The following FAM107B variants were observed in gnomAD, a reference collection of about 807,000 sequenced individuals.
FAM107B encodes the protein protein FAM107B.
A neutral mutation model predicts 31.5 loss-of-function variants in FAM107B; 21 were observed. The observed-to-expected ratio is 0.67, with a 90% CI of 0.47 to 0.96. FAM107B has a LOEUF of 0.96. Ranked by LOEUF, FAM107B falls within the 40% of genes least tolerant of loss-of-function variation. The probability of loss-of-function intolerance (pLI) is 0.00; values close to 1 mark genes in which losing one functional copy is unlikely to be tolerated. For missense variants in FAM107B, 452 were observed against 377.1 expected, an observed-to-expected ratio of 1.20 and a Z score of -1.64; for synonymous variants, 157 against 141.5, an observed-to-expected ratio of 1.11 and a Z score of -0.78.
intron 2 of FAM107B, among the ~76,000 whole-genome samples, chr10:14,583,086 C>CAAAA (rs60205603): frequency 7.1e-5 from 4 of 56,348 alleles, no homozygotes; most frequent in African/African-American, 1.9e-4. Flanking sequence ...GACTCTGTCT[C>CAAAA]AAAAAAAAAA....
At chr10:14,591,814 A>G (rs576976913) in intron 2 of FAM107B, among the ~76,000 whole-genome samples, 8 of 152,188 alleles carry the variant, frequency 5.3e-5, no homozygotes, top group Non-Finnish European at 8.8e-5. Context: ...AGCTTTCATG[A>G]TAACTTCCAG....
rs555118188 is a variant in FAM107B at position 14,771,859 on chromosome 10, ACATATGAAT to A, written c.411+2385_411+2393del. Among the ~76,000 whole-genome samples, 209 of 152,344 alleles carry A rather than the reference ACATATGAAT, an allele frequency of 1.4e-3. 2 individuals carry two copies. The highest frequency in any genetic ancestry group is 4.5e-3 in the African/African-American group (187 of 41,580). On this transcript the variant is annotated intron_variant, in intron 1 of 4. Transcript: ENST00000181796. ...ATGTGATTGAGTATCAAGCGAGATC[ACATATGAAT>A]AGTTGATCCTAAATCCTCAAACACT...
At chr10:14,715,103 C>T (rs1005233095) in intron 1 of FAM107B, among the ~76,000 whole-genome samples, 1 of 151,972 alleles carries the variant, frequency 6.6e-6, no homozygotes, top group African/African-American at 2.4e-5. Flanking sequence ...AGTGATCAGC[C>T]GATACTCAAA....
At chr10:14,569,316 G>A (rs1221256939) in intron 2 of FAM107B, among the ~76,000 whole-genome samples, 2 of 152,158 alleles carry the variant, frequency 1.3e-5, no homozygotes, top group Admixed American at 1.3e-4. Context: ...AAGTCAGAAG[G>A]AAGATTCGAG....
chr10:14,658,874 G>T (rs1489183518), intron 2 of FAM107B, among the ~76,000 whole-genome samples: 4 of 152,210 alleles, frequency 2.6e-5, no homozygotes, highest in Non-Finnish European at 5.9e-5. Context: ...TCTAGAAGGG[G>T]ACGACAGACA....
At chr10:14,551,572 G>C (rs527930179) in intron 2 of FAM107B, among the ~76,000 whole-genome samples, 178 of 148,488 alleles carry the variant, frequency 1.2e-3, no homozygotes, top group African/African-American at 4.0e-3. Flanking sequence ...ATGTTAATTA[G>C]GAAGGACACT....
intron 2 of FAM107B, among the ~76,000 whole-genome samples, chr10:14,657,063 G>A (rs1854078757): frequency 1.3e-5 from 2 of 152,238 alleles, no homozygotes. Flanking sequence ...CATGTGCCCA[G>A]TCCATCAACA....
At chr10:14,636,882 C>T (rs892505952) in intron 2 of FAM107B, among the ~76,000 whole-genome samples, 2 of 151,912 alleles carry the variant, frequency 1.3e-5, no homozygotes, top group Non-Finnish European at 2.9e-5. Context: ...GCTTTATCTG[C>T]GGGTATCCTT....
At chr10:14,755,212 G>C (rs1832904255) in intron 1 of FAM107B, among the ~76,000 whole-genome samples, 1 of 152,018 alleles carries the variant, frequency 6.6e-6, no homozygotes, top group Admixed American at 6.6e-5. Flanking sequence ...ATAATTCAAG[G>C]GTCCTGGAGA....
chr10:14,527,236 C>A (rs2130813034), intron 3 of FAM107B, among the ~76,000 whole-genome samples: 1 of 150,976 alleles, frequency 6.6e-6, no homozygotes, highest in South Asian at 2.1e-4. Flanking sequence ...ACTGAAAACA[C>A]CTGTGGAAAG....
intron 1 of FAM107B, among the ~76,000 whole-genome samples, chr10:14,688,267 G>A (rs1855038073): frequency 6.6e-6 from 1 of 152,186 alleles, no homozygotes; most frequent in Non-Finnish European, 1.5e-5. Context: ...TGCACTGTCG[G>A]CTTCCCTACT....
intron 2 of FAM107B, among the ~76,000 whole-genome samples, chr10:14,567,130 G>A (rs1850738564): frequency 6.6e-6 from 1 of 152,168 alleles, no homozygotes; most frequent in Admixed American, 6.5e-5. Context: ...TCCAGCCTGG[G>A]TGACAGAGCG....
chr10:14,633,637 A>G (rs1388785221), intron 2 of FAM107B, among the ~76,000 whole-genome samples: 2 of 152,246 alleles, frequency 1.3e-5, no homozygotes. Context: ...TAGATAGACT[A>G]AATTAAATAA....
intron 2 of FAM107B, among the ~76,000 whole-genome samples, chr10:14,563,476 T>C (rs1850410615): frequency 6.6e-6 from 1 of 152,256 alleles, no homozygotes; most frequent in South Asian, 2.1e-4. Flanking sequence ...AATAACTTTT[T>C]CAATATATGG....
At chr10:14,752,402 A>G (rs1363039825) in intron 1 of FAM107B, among the ~76,000 whole-genome samples, 1 of 152,194 alleles carries the variant, frequency 6.6e-6, no homozygotes, top group African/African-American at 2.4e-5. Flanking sequence ...TCCCTATCCC[A>G]TTCTACCAGC....
At chr10:14,767,093 G>GAGAGAC (rs1833195747) in intron 1 of FAM107B, among the ~76,000 whole-genome samples, 1 of 110,986 alleles carries the variant, frequency 9.0e-6, no homozygotes, top group Non-Finnish European at 1.7e-5. Context: ...GAGAGAGAGA[G>GAGAGAC]AGAGAGACAG....
At chr10:14,713,878 G>C (rs1257259098) in intron 1 of FAM107B, among the ~76,000 whole-genome samples, 3 of 152,170 alleles carry the variant, frequency 2.0e-5, no homozygotes, top group Admixed American at 6.5e-5. Context: ...GTTCTTTGCA[G>C]CAACATGGAT....
In FAM107B at chr10:14,774,382, A is replaced by G. The variant is rs758842964; in HGVS notation, c.282T>C (p.Ser94=). The change falls in exon 1 of 5, where the codon AGT becomes AGC. Residue 94 remains serine (S), a synonymous_variant. Coordinates refer to ENST00000181796, the MANE Select transcript of FAM107B (RefSeq NM_031453.4). The part of the protein sequence containing the change: ...ERNGSANRNS[S]HRTAAQPAET... ...CCGCGGGCTGGGCCGCAGTGCGGTG[A>G]CTTGAATTCCGATTCGCACTGCCAT... 5 of 1,614,176 alleles carry G rather than the reference A, an allele frequency of 3.1e-6. No homozygotes were observed. Among genetic ancestry groups the G allele is most frequent in the Non-Finnish European group, 4.2e-6 (5 of 1,180,022 alleles).
At chr10:14,554,706 T>G (rs889429529) in intron 2 of FAM107B, among the ~76,000 whole-genome samples, 1 of 152,246 alleles carries the variant, frequency 6.6e-6, no homozygotes, top group Non-Finnish European at 1.5e-5. Flanking sequence ...CTAATAAGTT[T>G]CAACAGAACA....
Sources: gnomAD v4.1 joint callset for allele counts (sites outside exome capture counted in the v4.1 genomes callset) on GRCh38, gnomAD v4.1.1 for gene constraint, MANE v1.5 for transcripts, NCBI Gene and HGNC (gene_info 2026-07-23, HGNC 2026-07-21) for gene names.